FSD1L: variants seen among roughly 807,000 people sequenced by gnomAD.
The protein encoded by FSD1L is FSD1-like protein.
A neutral mutation model predicts 71.6 loss-of-function variants in FSD1L; 45 were observed. That is an observed-to-expected ratio of 0.63 (90% confidence interval 0.49 to 0.81). FSD1L has a LOEUF of 0.81. Ranked by LOEUF, FSD1L falls within the 30% of genes least tolerant of loss-of-function variation. FSD1L has a pLI of 0.00. For synonymous variants in FSD1L, 197 were observed against 207.2 expected (o/e 0.95, Z 0.42); for missense variants, 561 against 618.1 (o/e 0.91, Z 0.98).
Position 105,469,481 on chromosome 9 carries a change from A to G in FSD1L, c.339+1157A>G, listed in dbSNP as rs554396948. ...GCCATCATAATGGGTATGACATGAT[A>G]TTTCATTACAGTTTTGATTTGCATT... On this transcript the variant is annotated intron_variant, in intron 4 of 13. Transcript: ENST00000481272. 6.6e-5 allele frequency among the ~76,000 whole-genome samples: 10 copies of G among 151,700 alleles called. No individual in the cohort carries two copies. The South Asian group carries it at 2.1e-3, about 32-fold the overall frequency.
At chr9:105,530,610 T>C in intron 10 of FSD1L, 1 of 689,612 alleles carries the variant, frequency 1.5e-6, no homozygotes, top group Non-Finnish European at 2.6e-6. Flanking sequence ...TGACGTTCAC[T>C]TTCTATTTGT....
chr9:105,492,558 C>G (rs987418862), intron 7 of FSD1L, among the ~76,000 whole-genome samples: 13 of 152,076 alleles, frequency 8.5e-5, no homozygotes, highest in East Asian at 3.9e-4. Flanking sequence ...AATGTGTTTG[C>G]TCTTGCTTTT....
chr9:105,498,942 A>G (rs1833600009), intron 7 of FSD1L, among the ~76,000 whole-genome samples: 1 of 152,142 alleles, frequency 6.6e-6, no homozygotes, highest in Admixed American at 6.6e-5. Flanking sequence ...TTAATCTCAA[A>G]GTATTTTGGG....
intron 10 of FSD1L, among the ~76,000 whole-genome samples, chr9:105,529,408 T>C (rs1279164413): frequency 6.6e-6 from 1 of 152,006 alleles, no homozygotes; most frequent in Non-Finnish European, 1.5e-5. Context: ...ATAAAGAAAA[T>C]GTGGCACATA....
At position 105,550,029 on chromosome 9, in the gene FSD1L, G is replaced by A. The variant is rs1401190085; in HGVS notation, c.*3546G>A. The A allele has an allele frequency of 6.6e-6, 1 of 151,906 alleles. No homozygotes were observed. The highest frequency in any genetic ancestry group is 1.5e-5 in the Non-Finnish European group (1 of 67,872). 9.4% of individuals were successfully genotyped at this position (151,906 alleles called of 1,614,324 possible). A position where few individuals can be genotyped will look rare whatever the true frequency, so the allele number is the denominator to read the frequency against. On this transcript the variant is annotated 3_prime_UTR_variant, in exon 14 of 14. Coordinates refer to ENST00000481272, the MANE Select transcript of FSD1L (RefSeq NM_001145313.3). ...AAAACGTAATTTGTTTTTAAAAGAT[G>A]AGTCTCCATTCATTGGCTAATCCAT...
At chr9:105,495,904 G>A (rs1833359376) in intron 7 of FSD1L, among the ~76,000 whole-genome samples, 1 of 151,570 alleles carries the variant, frequency 6.6e-6, no homozygotes, top group South Asian at 2.1e-4. Flanking sequence ...CCCGGGAGGC[G>A]GAGCTTGCAG....
intron 6 of FSD1L, among the ~76,000 whole-genome samples, chr9:105,479,900 G>T (rs1203561648): frequency 6.6e-6 from 1 of 152,050 alleles, no homozygotes; most frequent in African/African-American, 2.4e-5. Flanking sequence ...TTAATATTCT[G>T]TGGGAAGAGA....
intron 10 of FSD1L, chr9:105,526,067 T>A: frequency 6.6e-7 from 1 of 1,509,106 alleles, no homozygotes; most frequent in Non-Finnish European, 9.2e-7. Flanking sequence ...AAAAATCACA[T>A]GTTCAGTATT....
At chr9:105,523,233 T>C in intron 10 of FSD1L, 2 of 1,610,794 alleles carry the variant, frequency 1.2e-6, no homozygotes, top group South Asian at 2.2e-5. Flanking sequence ...CCCAGTCCAC[T>C]CACCTCTGTG....
chr9:105,490,097 A>C (rs370613290), intron 7 of FSD1L, among the ~76,000 whole-genome samples: 3 of 152,152 alleles, frequency 2.0e-5, no homozygotes, highest in Non-Finnish European at 4.4e-5. Context: ...TCCACAAGGG[A>C]TGAACTAGTT....
intron 10 of FSD1L, chr9:105,522,444 A>C (rs1835231086): frequency 4.3e-5 from 69 of 1,613,782 alleles, no homozygotes; most frequent in Non-Finnish European, 5.8e-5. Context: ...AGCCCCAATG[A>C]GACAGAGGAG....
At position 105,448,349 on chromosome 9, in the gene FSD1L, C is replaced by G. The variant is rs1036130009; in HGVS notation, c.15+114C>G. The G allele has an allele frequency of 1.7e-5, 17 of 1,017,016 alleles. No homozygotes were observed. In the African/African-American group the frequency reaches 2.6e-4, roughly 15 times the overall value. 63.0% of individuals were successfully genotyped at this position (1,017,016 alleles called of 1,614,324 possible). On this transcript the variant is annotated intron_variant, in intron 1 of 13. Coordinates refer to ENST00000481272, the MANE Select transcript of FSD1L (RefSeq NM_001145313.3). The stretch of plus-strand genomic sequence containing the variant: ...CGCGGGGTGGGCCTGGCCGGGCGTC[C>G]GGGCTGCTGCTGCGGAGGGCAAGGC...
At position 105,550,777 on chromosome 9, in the gene FSD1L, A is replaced by G. The variant is rs969569981; in HGVS notation, c.*4294A>G. 1.3e-5 allele frequency: 2 copies of G among 152,126 alleles called. No individual in the cohort carries two copies. The highest frequency in any genetic ancestry group is 2.4e-5 in the African/African-American group (1 of 41,464). 9.4% of individuals were successfully genotyped at this position (152,126 alleles called of 1,614,324 possible). A position where few individuals can be genotyped will look rare whatever the true frequency, so the allele number is the denominator to read the frequency against. ...TTTACCAGAGTACACTTTTCTCTTC[A>G]GATGACTCAATTATTAAATAAAAGA... On this transcript the variant is annotated 3_prime_UTR_variant, in exon 14 of 14. Coordinates refer to ENST00000481272, the MANE Select transcript of FSD1L (RefSeq NM_001145313.3).
At chr9:105,452,266 A>G (rs1781286545) in intron 1 of FSD1L, among the ~76,000 whole-genome samples, 1 of 152,198 alleles carries the variant, frequency 6.6e-6, no homozygotes, top group South Asian at 2.1e-4. Flanking sequence ...CATGTTCCAA[A>G]ATTACGCCTC....
intron 7 of FSD1L, chr9:105,500,673 C>T (rs1013113844): frequency 6.6e-6 from 1 of 152,192 alleles, no homozygotes. Context: ...CTGGTAAGCT[C>T]CTGGAGGTAA....
At chr9:105,516,215 T>C (rs1012098113) in intron 10 of FSD1L, among the ~76,000 whole-genome samples, 2 of 152,100 alleles carry the variant, frequency 1.3e-5, no homozygotes, top group African/African-American at 2.4e-5. Flanking sequence ...ATAAAACCCC[T>C]ATCTCCCTGG....
intron 10 of FSD1L, chr9:105,521,374 C>T (rs965645804): frequency 1.3e-4 from 210 of 1,614,018 alleles, no homozygotes; most frequent in Non-Finnish European, 1.6e-4. Context: ...AGCACTCTCA[C>T]GGAGCGAGAA....
Position 105,539,303 on chromosome 9 carries a change from A to G in FSD1L, c.1419A>G (p.Leu473=), listed in dbSNP as rs565639084. 4.9e-4 allele frequency: 746 copies of G among 1,511,198 alleles called. 2 individuals are homozygous for G. Among genetic ancestry groups the G allele is most frequent in the Non-Finnish European group, 6.1e-4 (687 of 1,122,114 alleles). The allele number at this position is 1,511,198 out of a possible 1,614,324, so 93.6% of individuals were successfully genotyped here. A position where few individuals can be genotyped will look rare whatever the true frequency, so the allele number is the denominator to read the frequency against. Residue 473 remains leucine, a synonymous_variant, in exon 13 of 14, where the codon CTA becomes CTG. Transcript: ENST00000481272. ...ATGATGCAAATTCTAAACAGTTGCT[A>G]TATTCCTTTAAGACAAAATTTACTC... ...SFYDANSKQL[L]YSFKTKFTQP...
chr9:105,522,160 A>G, intron 10 of FSD1L: 2 of 1,614,034 alleles, frequency 1.2e-6, no homozygotes, highest in South Asian at 2.2e-5. Context: ...CTAAATGTGT[A>G]CATCTCCCGA....
Sources: gnomAD v4.1 joint callset for allele counts (sites outside exome capture counted in the v4.1 genomes callset) on GRCh38, gnomAD v4.1.1 for gene constraint, MANE v1.5 for transcripts, NCBI Gene and HGNC (gene_info 2026-07-23, HGNC 2026-07-21) for gene names.